ASIC2: variants seen among roughly 807,000 people sequenced by gnomAD.
The protein encoded by ASIC2 is acid sensing ion channel subunit 2, also known as acid-sensing ion channel 2.
Under a neutral mutation model 57.3 loss-of-function variants are expected in ASIC2, and 25 were observed. The ratio of observed to expected loss-of-function variants is 0.44; its 90% CI spans 0.32 to 0.61. ASIC2 has a LOEUF of 0.61. Among genes scored for constraint, ASIC2 ranks in the 20% least tolerant of loss-of-function variants. ASIC2 has a pLI of 0.06. For synonymous variants in ASIC2, 319 were observed against 307.5 expected (o/e 1.04, Z -0.39); for missense variants, 641 against 738.1 (o/e 0.87, Z 1.52).
At chr17:34,018,627 T>C (rs1597976180) in intron 1 of ASIC2, among the ~76,000 whole-genome samples, 2 of 152,228 alleles carry the variant, frequency 1.3e-5, no homozygotes, top group South Asian at 4.2e-4. Context: ...AGTCAAAATG[T>C]TAATATTAAC....
At chr17:33,124,232 G>A (rs946533713) in intron 1 of ASIC2, among the ~76,000 whole-genome samples, 1 of 152,204 alleles carries the variant, frequency 6.6e-6, no homozygotes, top group African/African-American at 2.4e-5. Flanking sequence ...TGGAGATTGA[G>A]TATCATGGAA....
intron 1 of ASIC2, among the ~76,000 whole-genome samples, chr17:33,283,215 C>G (rs1272005281): frequency 6.6e-6 from 1 of 152,222 alleles, no homozygotes; most frequent in African/African-American, 2.4e-5. Flanking sequence ...ATGTTCATCC[C>G]ACATGCACTT....
intron 1 of ASIC2, among the ~76,000 whole-genome samples, chr17:33,159,848 C>A (rs1253931851): frequency 6.6e-6 from 1 of 152,308 alleles, no homozygotes; most frequent in East Asian, 1.9e-4. Context: ...TAGCACCGAC[C>A]TCCTATATCT....
At chr17:33,624,512 A>G (rs1905911866) in intron 1 of ASIC2, among the ~76,000 whole-genome samples, 1 of 152,176 alleles carries the variant, frequency 6.6e-6, no homozygotes, top group African/African-American at 2.4e-5. Flanking sequence ...CCTTTTCTCT[A>G]TTGGAGGCCT....
chr17:33,236,368 A>G (rs1347457550), intron 1 of ASIC2, among the ~76,000 whole-genome samples: 2 of 151,026 alleles, frequency 1.3e-5, no homozygotes, highest in Admixed American at 6.6e-5. Flanking sequence ...TTTTTGGAAT[A>G]GCATCTTCCT....
chr17:33,610,743 A>G (rs1905379964), intron 1 of ASIC2, among the ~76,000 whole-genome samples: 1 of 151,870 alleles, frequency 6.6e-6, no homozygotes, highest in Non-Finnish European at 1.5e-5. Context: ...AAATAAATAA[A>G]ATAATTAACC....
intron 1 of ASIC2, among the ~76,000 whole-genome samples, chr17:34,145,597 T>A (rs928005519): frequency 3.9e-5 from 6 of 152,204 alleles, no homozygotes; most frequent in African/African-American, 1.4e-4. Context: ...TCTAAACTTT[T>A]ACCCACACAT....
At chr17:34,090,602 G>A (rs950495640) in intron 1 of ASIC2, among the ~76,000 whole-genome samples, 7 of 152,162 alleles carry the variant, frequency 4.6e-5, no homozygotes, top group Admixed American at 1.3e-4. Context: ...GGAGGAATTA[G>A]CATTTGGTTT....
In ASIC2 at chr17:33,968,323, C is replaced by T. The variant is rs552047134; in HGVS notation, c.555+187655G>A. On this transcript the variant is annotated intron_variant, in intron 1 of 9. Coordinates refer to the ASIC2 transcript ENST00000359872. ...GGCCTGGTGTCTGGCGAGACCTGAA[C>T]AGGGGGCAGAATCTCTGCGGAGACC... Among the ~76,000 whole-genome samples, 19 of 152,322 alleles carry T rather than the reference C, an allele frequency of 1.2e-4. 1 individual carries two copies. The highest frequency in any genetic ancestry group is 7.8e-4 in the Admixed American group (12 of 15,304).
At chr17:34,049,905 T>G (rs925319943) in intron 1 of ASIC2, among the ~76,000 whole-genome samples, 1 of 152,202 alleles carries the variant, frequency 6.6e-6, no homozygotes, top group African/African-American at 2.4e-5. Context: ...ATATTGAAAT[T>G]CTCTGTTTAC....
At chr17:33,356,590 T>G (rs986505964) in intron 1 of ASIC2, among the ~76,000 whole-genome samples, 6 of 152,108 alleles carry the variant, frequency 3.9e-5, no homozygotes, top group African/African-American at 1.4e-4. Context: ...GAAGGGGAAC[T>G]AGAAAGGCCA....
At chr17:33,702,896 G>A (rs894633024) in intron 1 of ASIC2, among the ~76,000 whole-genome samples, 1 of 152,154 alleles carries the variant, frequency 6.6e-6, no homozygotes, top group African/African-American at 2.4e-5. Context: ...AGGGGCATTA[G>A]GTTCCTGCTT....
intron 1 of ASIC2, chr17:34,038,545 T>G (rs1028987449): frequency 6.2e-7 from 1 of 1,610,098 alleles, no homozygotes; most frequent in Non-Finnish European, 8.5e-7. Flanking sequence ...CCAAAAGATG[T>G]AACAACAAAT....
At chr17:33,970,530 T>C (rs930157276) in intron 1 of ASIC2, among the ~76,000 whole-genome samples, 1 of 152,142 alleles carries the variant, frequency 6.6e-6, no homozygotes, top group African/African-American at 2.4e-5. Flanking sequence ...AGTTGGACTA[T>C]GGGAACCGCA....
intron 1 of ASIC2, among the ~76,000 whole-genome samples, chr17:33,668,357 T>TC (rs1490332683): frequency 6.7e-6 from 1 of 149,638 alleles, no homozygotes. Context: ...AGGGCTGCGT[T>TC]CCTTTCTGGA....
intron 1 of ASIC2, among the ~76,000 whole-genome samples, chr17:34,053,239 C>T (rs962685931): frequency 3.3e-5 from 5 of 152,204 alleles, no homozygotes; most frequent in South Asian, 2.1e-4. Context: ...TTATTATGAT[C>T]GTATATTAAG....
intron 1 of ASIC2, among the ~76,000 whole-genome samples, chr17:33,481,301 C>T (rs907011542): frequency 3.3e-5 from 5 of 152,218 alleles, no homozygotes; most frequent in Non-Finnish European, 7.3e-5. Context: ...TTCAAATCTT[C>T]ACAACTCTCT....
chr17:33,464,492 CTT>C (rs1353483133), intron 1 of ASIC2, among the ~76,000 whole-genome samples: 17 of 37,260 alleles, frequency 4.6e-4, no homozygotes, highest in Non-Finnish European at 7.9e-4. Flanking sequence ...CTCTTTCTTT[CTT>C]TCTTTCTTTC....
chr17:33,498,644 G>A (rs868273601), intron 1 of ASIC2, among the ~76,000 whole-genome samples: 14 of 152,194 alleles, frequency 9.2e-5, no homozygotes, highest in African/African-American at 7.2e-5. Flanking sequence ...CTCTGGTCCC[G>A]GCACTGCGCT....
Sources: allele counts gnomAD v4.1 joint callset (sites outside exome capture counted in the v4.1 genomes callset), GRCh38; gene constraint gnomAD v4.1.1; transcripts MANE v1.5; gene names NCBI Gene and HGNC (gene_info 2026-07-23, HGNC 2026-07-21).